The following NMRAL1 variants were observed in gnomAD, a reference collection of about 807,000 sequenced individuals.
The protein encoded by NMRAL1 is NmrA like redox sensor 1.
In NMRAL1, 32 loss-of-function variants were observed where a neutral mutation model predicts 27.5. That is an observed-to-expected ratio of 1.16 (90% CI 0.88 to 1.56). The LOEUF (loss-of-function observed/expected upper bound fraction) is 1.56, where lower values mean the gene tolerates loss of function less well. Among genes scored for constraint, NMRAL1 ranks in the 40% most tolerant of loss-of-function variants. NMRAL1 has a pLI of 0.00. For missense variants in NMRAL1, 420 were observed against 392.0 expected (o/e 1.07, Z -0.60); for synonymous variants, 166 against 166.8 (o/e 1.00, Z 0.04).
At chr16:4,465,237 G>A (rs1010937906) in intron 4 of NMRAL1, among the ~76,000 whole-genome samples, 4 of 152,158 alleles carry the variant, frequency 2.6e-5, no homozygotes, top group African/African-American at 9.7e-5. Context: ...AATAAATGGT[G>A]GTACCAAAGG....
intron 2 of NMRAL1, among the ~76,000 whole-genome samples, chr16:4,471,064 G>T (rs1337596565): frequency 6.6e-6 from 1 of 151,846 alleles, no homozygotes; most frequent in East Asian, 1.9e-4. Context: ...CCGAGATTGG[G>T]CCACTGCACT....
At chr16:4,470,132 A>G (rs1449817804) in intron 2 of NMRAL1, among the ~76,000 whole-genome samples, 3 of 141,692 alleles carry the variant, frequency 2.1e-5, no homozygotes, top group African/African-American at 7.9e-5. Flanking sequence ...ACTGCACTCC[A>G]GCCTGGGTGA....
chr16:4,466,825 T>C, intron 3 of NMRAL1: 1 of 210,310 alleles, frequency 4.8e-6, no homozygotes, highest in Non-Finnish European at 9.7e-6. Flanking sequence ...CTCTGCCATG[T>C]ACGAGCAGTG....
At chr16:4,465,606 G>A (rs754598621) in intron 4 of NMRAL1, among the ~76,000 whole-genome samples, 2 of 151,848 alleles carry the variant, frequency 1.3e-5, no homozygotes, top group African/African-American at 4.8e-5. Context: ...TGCTCTTGTC[G>A]CCTAGGCTAG....
rs1199177735 is a variant in NMRAL1 at position 4,474,157 on chromosome 16, G to T, written c.-25C>A. On this transcript the variant is annotated 5_prime_UTR_variant, in exon 2 of 6. Coordinates refer to ENST00000283429, the MANE Select transcript of NMRAL1 (RefSeq NM_020677.6). ...TGAGGACGAGAATGGGACGAATCCGGTCCAGAGATCTGGGGGTAATGGGAG... is the reference window on the plus strand; with the variant it reads ...TGAGGACGAGAATGGGACGAATCCGTTCCAGAGATCTGGGGGTAATGGGAG... The T allele has an allele frequency of 2.5e-6, 4 of 1,608,188 alleles. No individual in the cohort carries two copies. The highest frequency in any genetic ancestry group is 2.2e-5 in the East Asian group (1 of 44,838).
chr16:4,474,191 T>A (rs891250400), intron 1 of NMRAL1, 25 bp from the exon 2 acceptor site: 1 of 1,572,906 alleles, frequency 6.4e-7, no homozygotes, highest in Non-Finnish European at 8.7e-7. Flanking sequence ...AGGCGTGGAG[T>A]TGGGGGTGGG....
At chr16:4,476,175 G>C (rs2057822814), upstream of NMRAL1, 1 of 152,302 alleles carries the variant, frequency 6.6e-6, no homozygotes. Flanking sequence ...CAACCCTGAG[G>C]CACCCTCACA....
chr16:4,464,631 T>TTTC (rs1567347836), intron 4 of NMRAL1, among the ~76,000 whole-genome samples: 1 of 140,888 alleles, frequency 7.1e-6, no homozygotes. Context: ...TTTTTTTTTT[T>TTTC]TGAGATGGAG....
At chr16:4,466,687 T>C (rs2141433092) in intron 3 of NMRAL1, 1 of 445,086 alleles carries the variant, frequency 2.2e-6, no homozygotes, top group South Asian at 2.3e-5. Flanking sequence ...CATGGAGGTC[T>C]AAAGGAGAAT....
Position 4,466,505 on chromosome 16 carries a change from T to G in NMRAL1, c.280-103A>C. The G allele has an allele frequency of 2.5e-6, 3 of 1,201,484 alleles. No individual in the cohort carries two copies. The South Asian group carries it at 4.2e-5, about 17-fold the overall frequency. 74.4% of individuals were successfully genotyped at this position (1,201,484 alleles called of 1,614,324 possible). A position where few individuals can be genotyped will look rare whatever the true frequency, so the allele number is the denominator to read the frequency against. On this transcript the variant is annotated intron_variant, in intron 3 of 5. Coordinates refer to ENST00000283429, the MANE Select transcript of NMRAL1 (RefSeq NM_020677.6). ...CCCGGAGCGGCCACCATCTGCGAGGTTAACATCTAGACCCCACTTACCCTT... is the reference window on the plus strand; with the variant it reads ...CCCGGAGCGGCCACCATCTGCGAGGGTAACATCTAGACCCCACTTACCCTT...
Position 4,469,510 on chromosome 16 carries a change from G to C in NMRAL1, c.41-45C>G, listed in dbSNP as rs2057467501. 4.4e-6 allele frequency: 7 copies of C among 1,607,412 alleles called. No homozygotes were observed. In the African/African-American group the frequency reaches 5.3e-5, roughly 12 times the overall value. ...CCTCTCAGGTCAGACCTACCTGAAA[G>C]TCCCACTGAAGGGCGAAACCCCGAA... On this transcript the variant is annotated intron_variant, in intron 2 of 5. Transcript: ENST00000283429.
chr16:4,463,546 C>T (rs769114736), intron 5 of NMRAL1, 114 bp downstream of exon 5: 40 of 803,426 alleles, frequency 5.0e-5, no homozygotes, highest in South Asian at 8.5e-5. Context: ...TGACGATGAA[C>T]GAATGAATTT....
intron 2 of NMRAL1, 70 bp downstream of exon 2, chr16:4,474,023 C>T: frequency 7.8e-7 from 1 of 1,289,356 alleles, no homozygotes; most frequent in South Asian, 1.2e-5. Flanking sequence ...CCCTGCAGAC[C>T]CCAGGACGGG....
intron 4 of NMRAL1, among the ~76,000 whole-genome samples, chr16:4,465,589 G>A (rs541432618): frequency 6.6e-6 from 1 of 152,020 alleles, no homozygotes; most frequent in South Asian, 2.1e-4. Context: ...GTTTTGAGAC[G>A]GAGTGTTGCT....
chr16:4,474,296 G>C (rs1259411814), intron 1 of NMRAL1, 130 bp from the exon 2 acceptor site: 1 of 640,350 alleles, frequency 1.6e-6, no homozygotes. Context: ...GCGGCAAGAC[G>C]CCTGTCCCGA....
chr16:4,466,063 G>T, intron 4 of NMRAL1, 90 bp downstream of exon 4: 1 of 1,505,130 alleles, frequency 6.6e-7, no homozygotes. Context: ...CTTGAACCTG[G>T]CACCACGTGA....
At position 4,463,823 on chromosome 16, in the gene NMRAL1, T is replaced by C; in HGVS notation, c.557A>G (p.Asp186Gly). The C allele has an allele frequency of 1.2e-6, 2 of 1,613,696 alleles. No homozygotes were observed. Among genetic ancestry groups the C allele is most frequent in the Non-Finnish European group, 8.5e-7 (1 of 1,179,824 alleles). ...ACCCAGGTCAGACACGGACATGCCATCCATGGGAACGTCACCTGTGGGCAA... is the reference window on the plus strand; with the variant it reads ...ACCCAGGTCAGACACGGACATGCCACCCATGGGAACGTCACCTGTGGGCAA... Reference protein sequence around the residue: ...LSLPTGDVPMDGMSVSDLGPV... With the variant: ...LSLPTGDVPMGGMSVSDLGPV... The change falls in exon 5 of 6, where the codon GAT (aspartate) becomes GGT (glycine). Residue 186 changes from aspartate (D) to glycine (G), a missense_variant. Coordinates refer to ENST00000283429, the MANE Select transcript of NMRAL1 (RefSeq NM_020677.6).
At chr16:4,472,461 T>C (rs1320242513) in intron 2 of NMRAL1, among the ~76,000 whole-genome samples, 3 of 151,624 alleles carry the variant, frequency 2.0e-5, no homozygotes, top group Non-Finnish European at 2.9e-5. Context: ...AAAAGTAAAG[T>C]TGGCCGGGCG....
chr16:4,466,592 C>T, intron 3 of NMRAL1, 190 bp from the exon 4 acceptor site: 4 of 606,218 alleles, frequency 6.6e-6, no homozygotes, highest in East Asian at 2.8e-5. Context: ...AACACAGCCC[C>T]GGAAGCCTTC....
Sources: allele counts gnomAD v4.1 joint callset (sites outside exome capture counted in the v4.1 genomes callset), GRCh38; gene constraint gnomAD v4.1.1; transcripts MANE v1.5; gene names NCBI Gene and HGNC (gene_info 2026-07-23, HGNC 2026-07-21).